Variants in CA10 observed in about 807,000 individuals in gnomAD.
CA10 encodes carbonic anhydrase-related protein 10.
In CA10, 14 loss-of-function variants were observed where a neutral mutation model predicts 44.2. The observed-to-expected ratio is 0.32, with a 90% CI of 0.21 to 0.50. CA10 has a LOEUF of 0.50. Among genes scored for constraint, CA10 ranks in the 20% least tolerant of loss-of-function variants. CA10 has a pLI of 0.99. For missense variants in CA10, 350 were observed against 409.7 expected (o/e 0.85, Z 1.26); for synonymous variants, 159 against 141.6 (o/e 1.12, Z -0.87).
intron 3 of CA10, among the ~76,000 whole-genome samples, chr17:51,817,084 C>A (rs1056659768): frequency 3.9e-5 from 6 of 152,234 alleles, no homozygotes; most frequent in African/African-American, 1.4e-4. Context: ...TGAGCTTTGG[C>A]TTCCAAACTT....
chr17:51,929,392 G>T (rs1982559721), intron 3 of CA10, among the ~76,000 whole-genome samples: 2 of 152,132 alleles, frequency 1.3e-5, no homozygotes, highest in African/African-American at 4.8e-5. Context: ...GAAGGATTCA[G>T]CTCCCGAACA....
chr17:52,003,655 G>T (rs1985505022), intron 2 of CA10, among the ~76,000 whole-genome samples: 1 of 151,890 alleles, frequency 6.6e-6, no homozygotes, highest in East Asian at 1.9e-4. Flanking sequence ...AGTAGGAGAA[G>T]CTTCAGACAG....
chr17:51,694,897 C>A (rs2143439733), intron 4 of CA10, among the ~76,000 whole-genome samples: 1 of 152,246 alleles, frequency 6.6e-6, no homozygotes, highest in South Asian at 2.1e-4. Context: ...TTTCCAGCAC[C>A]ATTTATTGAA....
intron 3 of CA10, among the ~76,000 whole-genome samples, chr17:51,884,184 T>C (rs1205046637): frequency 6.6e-6 from 1 of 152,174 alleles, no homozygotes; most frequent in Non-Finnish European, 1.5e-5. Context: ...TTTCCCTGGA[T>C]TGTTGTAATG....
intron 4 of CA10, among the ~76,000 whole-genome samples, chr17:51,746,976 T>C (rs998635096): frequency 1.3e-5 from 2 of 152,180 alleles, no homozygotes; most frequent in Non-Finnish European, 2.9e-5. Flanking sequence ...CACCCTCCAG[T>C]ATAACGGGGG....
At chr17:51,942,034 A>G (rs1983096918) in intron 2 of CA10, among the ~76,000 whole-genome samples, 1 of 152,096 alleles carries the variant, frequency 6.6e-6, no homozygotes, top group African/African-American at 2.4e-5. Flanking sequence ...AAACCCTACC[A>G]CATATTAATA....
At chr17:51,668,713 C>T (rs56274933) in intron 4 of CA10, among the ~76,000 whole-genome samples, 2,799 of 152,242 alleles carry the variant, frequency 0.018, 65 homozygotes, top group African/African-American at 0.047. Context: ...ACTGTGGGAG[C>T]CCCTCTCTGG....
At chr17:51,634,481 T>C (rs1228688197) in intron 7 of CA10, among the ~76,000 whole-genome samples, 1 of 152,132 alleles carries the variant, frequency 6.6e-6, no homozygotes, top group Non-Finnish European at 1.5e-5. Context: ...TTTAATTTGT[T>C]ATAGACTCCC....
chr17:51,710,347 T>C (rs559990495), intron 4 of CA10, among the ~76,000 whole-genome samples: 14 of 152,282 alleles, frequency 9.2e-5, no homozygotes, highest in African/African-American at 3.4e-4. Context: ...TGAGGGGCCA[T>C]GTCTCAGGTG....
At chr17:51,809,237 G>A (rs1907259776) in intron 3 of CA10, among the ~76,000 whole-genome samples, 1 of 152,204 alleles carries the variant, frequency 6.6e-6, no homozygotes, top group South Asian at 2.1e-4. Context: ...ACTCCCTGAT[G>A]AAGGTAGATG....
At chr17:51,867,595 A>ACACACTT in intron 3 of CA10, among the ~76,000 whole-genome samples, 1 of 152,368 alleles carries the variant, frequency 6.6e-6, no homozygotes, top group Admixed American at 6.5e-5. Context: ...TCACACAGCC[A>ACACACTT]GTGCTAAAAC....
intron 3 of CA10, among the ~76,000 whole-genome samples, chr17:51,929,405 G>T (rs1346551541): frequency 1.3e-5 from 2 of 152,122 alleles, no homozygotes; most frequent in Non-Finnish European, 2.9e-5. Context: ...CCCGAACACT[G>T]CCTCAGGACC....
intron 2 of CA10, among the ~76,000 whole-genome samples, chr17:51,936,595 G>A (rs780262132): frequency 2.6e-5 from 4 of 152,160 alleles, no homozygotes; most frequent in Non-Finnish European, 4.4e-5. Context: ...ACCAGATGAG[G>A]AGAAGAGCGA....
At chr17:52,034,334 T>C (rs1299011385) in intron 2 of CA10, among the ~76,000 whole-genome samples, 1 of 152,178 alleles carries the variant, frequency 6.6e-6, no homozygotes, top group Non-Finnish European at 1.5e-5. Context: ...ATATTAAATA[T>C]GTACAGCCTA....
intron 6 of CA10, among the ~76,000 whole-genome samples, chr17:51,647,725 A>G (rs1323702044): frequency 6.6e-6 from 1 of 152,178 alleles, no homozygotes; most frequent in Non-Finnish European, 1.5e-5. Context: ...TGCTTTTTTC[A>G]TCAAAAAAGT....
In CA10 at chr17:51,795,574, T is replaced by C. The variant is rs1015617752; in HGVS notation, c.280-47756A>G. On this transcript the variant is annotated intron_variant, in intron 3 of 8. Transcript: ENST00000451037. ...ACTCAGAATACAGTGGCTACAAGAA[T>C]TGTGGGTGACTGAGGTTTTGTTTTA... 4.6e-5 allele frequency among the ~76,000 whole-genome samples: 7 copies of C among 152,330 alleles called. 1 individual carries two copies. The East Asian group carries it at 1.3e-3, about 29-fold the overall frequency.
intron 3 of CA10, among the ~76,000 whole-genome samples, chr17:51,824,753 A>C (rs1382849614): frequency 6.6e-6 from 1 of 152,158 alleles, no homozygotes; most frequent in Non-Finnish European, 1.5e-5. Flanking sequence ...CTGCTCCTAG[A>C]CTTTGGGATA....
chr17:51,803,161 G>A (rs1477284902), intron 3 of CA10, among the ~76,000 whole-genome samples: 4 of 152,154 alleles, frequency 2.6e-5, no homozygotes, highest in South Asian at 2.1e-4. Flanking sequence ...TGATTTGTGC[G>A]CAACTAGGAT....
At chr17:51,735,675 T>C (rs1290055381) in intron 4 of CA10, among the ~76,000 whole-genome samples, 1 of 152,230 alleles carries the variant, frequency 6.6e-6, no homozygotes, top group Non-Finnish European at 1.5e-5. Context: ...TTTTATACAT[T>C]GATCCCCTTA....
Sources: gnomAD v4.1 joint callset for allele counts (sites outside exome capture counted in the v4.1 genomes callset) on GRCh38, gnomAD v4.1.1 for gene constraint, MANE v1.5 for transcripts, NCBI Gene and HGNC (gene_info 2026-07-23, HGNC 2026-07-21) for gene names.